Variants in AK8 observed in about 807,000 individuals in gnomAD.
AK8 encodes ATP-AMP transphosphorylase 8.
AK8 carries 44 observed loss-of-function variants against 54.6 expected under a neutral mutation model. That is an observed-to-expected ratio of 0.81 (90% confidence interval 0.63 to 1.04). The LOEUF is 1.04. AK8 is among the 50% of genes least tolerant of loss of function. The pLI is 0.00. For missense variants in AK8, 555 were observed against 613.6 expected, an observed-to-expected ratio of 0.90 and a Z score of 1.01; for synonymous variants, 239 against 245.6, an observed-to-expected ratio of 0.97 and a Z score of 0.25.
rs149709848 is a variant in AK8 at position 132,849,106 on chromosome 9, C to T, written c.402+5751G>A. On this transcript the variant is annotated intron_variant, in intron 5 of 12. Transcript: ENST00000298545. ...TGTATTTTTAGTAGAGACGAGGTTT[C>T]ACCATGTTAGCCAGGATGGTCTCAA... Among the ~76,000 whole-genome samples, 136 of 152,140 alleles carry T rather than the reference C, an allele frequency of 8.9e-4. No homozygotes were observed. The East Asian group carries it at 0.024, about 27-fold the overall frequency.
At chr9:132,861,062 G>C (rs549329755) in intron 4 of AK8, among the ~76,000 whole-genome samples, 45 of 152,292 alleles carry the variant, frequency 3.0e-4, no homozygotes, top group African/African-American at 9.9e-4. Flanking sequence ...GGGGTTCTCA[G>C]ACTATCCTCA....
At chr9:132,729,057 T>TA (rs1836704821) in intron 11 of AK8, among the ~76,000 whole-genome samples, 1 of 152,088 alleles carries the variant, frequency 6.6e-6, no homozygotes, top group South Asian at 2.1e-4. Context: ...TAAGTTTTGT[T>TA]ATCTATTTTT....
chr9:132,878,406 A>C, upstream of AK8: 1 of 1,234,394 alleles, frequency 8.1e-7, no homozygotes, highest in South Asian at 4.1e-5. This position sits in a 1 kb window ranked among gnomAD's most constrained non-coding sequence, Gnocchi z 4.7. Flanking sequence ...CCCCGCCCCG[A>C]CCTCCCCGGC....
intron 4 of AK8, among the ~76,000 whole-genome samples, chr9:132,857,737 C>T (rs545335528): frequency 5.3e-5 from 8 of 152,212 alleles, no homozygotes; most frequent in Non-Finnish European, 1.2e-4. Context: ...AGTCAAAGAG[C>T]ACCGGCTGAA....
At chr9:132,814,805 C>A in intron 9 of AK8, 78 bp from the exon 10 acceptor site, 1 of 1,281,778 alleles carries the variant, frequency 7.8e-7, no homozygotes. Flanking sequence ...ACCCCCAGTG[C>A]TGCCTGCTGA....
chr9:132,828,806 C>T, intron 5 of AK8, 80 bp from the exon 6 acceptor site: 8 of 1,135,982 alleles, frequency 7.0e-6, no homozygotes, highest in Non-Finnish European at 9.7e-6. Flanking sequence ...AATATAATAG[C>T]TTTATAGAAA....
rs375377373 is a variant in AK8 at position 132,758,793 on chromosome 9, T to C, written c.1122-31259A>G. Among the ~76,000 whole-genome samples, 29 of 152,298 alleles carry C rather than the reference T, an allele frequency of 1.9e-4. No individual in the cohort carries two copies. The East Asian group carries it at 5.4e-3, about 28-fold the overall frequency. On this transcript the variant is annotated intron_variant, in intron 11 of 12. Transcript: ENST00000298545. ...GAGGTTTAGCAACTTTTTCTGTTTT[T>C]TGGCCCTTGTGTTTTTTCTTTTGTG... is the stretch of plus-strand genomic sequence containing the variant.
intron 5 of AK8, among the ~76,000 whole-genome samples, chr9:132,832,634 G>T (rs1274118302): frequency 6.6e-6 from 1 of 152,142 alleles, no homozygotes; most frequent in African/African-American, 2.4e-5. Flanking sequence ...ACTGAAAAAG[G>T]CCTCTGCTTT....
chr9:132,876,202 T>G (rs1844088755), intron 1 of AK8, among the ~76,000 whole-genome samples: 1 of 152,238 alleles, frequency 6.6e-6, no homozygotes, highest in African/African-American at 2.4e-5. Flanking sequence ...GGGCCTCAGC[T>G]TCTCTGCCTG....
At chr9:132,832,345 G>A (rs1842142622) in intron 5 of AK8, among the ~76,000 whole-genome samples, 1 of 152,022 alleles carries the variant, frequency 6.6e-6, no homozygotes, top group Non-Finnish European at 1.5e-5. Flanking sequence ...GTTATAGCCA[G>A]CCAAGCGCCG....
intron 5 of AK8, among the ~76,000 whole-genome samples, chr9:132,832,979 G>A (rs748686697): frequency 1.4e-4 from 22 of 152,112 alleles, no homozygotes; most frequent in Non-Finnish European, 3.1e-4. Flanking sequence ...AAGAAACAAG[G>A]TCCCCGAGGA....
At chr9:132,765,943 A>C (rs1452954180) in intron 11 of AK8, among the ~76,000 whole-genome samples, 3 of 152,220 alleles carry the variant, frequency 2.0e-5, no homozygotes, top group Admixed American at 6.5e-5. Context: ...GGAAACCCTA[A>C]AATGCTCTAC....
intron 11 of AK8, among the ~76,000 whole-genome samples, chr9:132,730,053 G>A (rs915259111): frequency 5.9e-5 from 9 of 152,160 alleles, no homozygotes; most frequent in Non-Finnish European, 1.2e-4. Flanking sequence ...CATGTTAGGC[G>A]GGACTATGAC....
At chr9:132,760,517 T>A (rs1213037672) in intron 11 of AK8, among the ~76,000 whole-genome samples, 3 of 152,236 alleles carry the variant, frequency 2.0e-5, no homozygotes, top group Non-Finnish European at 4.4e-5. Context: ...TTAATGTAGA[T>A]AATCATAACA....
At chr9:132,738,534 G>A (rs1235470150) in intron 11 of AK8, among the ~76,000 whole-genome samples, 1 of 152,036 alleles carries the variant, frequency 6.6e-6, no homozygotes, top group African/African-American at 2.4e-5. Flanking sequence ...ACATTCATAA[G>A]AATGCAAATA....
At chr9:132,729,698 C>T (rs1051814011) in intron 11 of AK8, among the ~76,000 whole-genome samples, 4 of 152,152 alleles carry the variant, frequency 2.6e-5, no homozygotes, top group African/African-American at 9.7e-5. Flanking sequence ...AGAGTCTCCT[C>T]CTTGACGACA....
At chr9:132,875,301 A>G (rs1157885382) in intron 1 of AK8, 102 bp from the exon 2 acceptor site, 1 of 1,520,284 alleles carries the variant, frequency 6.6e-7, no homozygotes, top group Non-Finnish European at 8.9e-7. Context: ...GCACCCCACC[A>G]AACATGCCTT....
intron 11 of AK8, among the ~76,000 whole-genome samples, chr9:132,743,871 C>T (rs1167242726): frequency 6.6e-6 from 1 of 152,144 alleles, no homozygotes; most frequent in African/African-American, 2.4e-5. Flanking sequence ...AGGCTGGACT[C>T]CAGGGCCATC....
intron 11 of AK8, among the ~76,000 whole-genome samples, chr9:132,756,080 T>A (rs1838175646): frequency 6.6e-6 from 1 of 152,204 alleles, no homozygotes; most frequent in South Asian, 2.1e-4. Context: ...AAGACTTTTT[T>A]AAAATGAGGT....
Sources: allele counts gnomAD v4.1 joint callset (sites outside exome capture counted in the v4.1 genomes callset), GRCh38; gene constraint gnomAD v4.1.1; non-coding constraint Gnocchi (gnomAD v3.1); transcripts MANE v1.5; gene names NCBI Gene and HGNC (gene_info 2026-07-23, HGNC 2026-07-21).